HIVEP3: variants seen among roughly 807,000 people sequenced by gnomAD.
HIVEP3 encodes HIVEP zinc finger 3, also known as transcription factor HIVEP3.
Under a neutral mutation model 152.8 loss-of-function variants are expected in HIVEP3, and 49 were observed. The ratio of observed to expected loss-of-function variants is 0.32; its 90% CI spans 0.26 to 0.41. The LOEUF is 0.41. Among genes scored for constraint, HIVEP3 ranks in the 10% least tolerant of loss-of-function variants. HIVEP3 has a pLI of 1.00. For missense variants in HIVEP3, 2,790 were observed against 3,103.3 expected, an observed-to-expected ratio of 0.90 and a Z score of 2.40; for synonymous variants, 1,269 against 1,289.0, an observed-to-expected ratio of 0.98 and a Z score of 0.33.
At chr1:41,775,675 A>G (rs1042378737) in intron 1 of HIVEP3, among the ~76,000 whole-genome samples, 2 of 151,994 alleles carry the variant, frequency 1.3e-5, no homozygotes, top group East Asian at 3.9e-4. Flanking sequence ...TTTTTAGTAG[A>G]GATGGGGTTT....
chr1:41,960,148 A>G (rs1216178120), intron 1 of HIVEP3, among the ~76,000 whole-genome samples: 1 of 152,210 alleles, frequency 6.6e-6, no homozygotes, highest in East Asian at 1.9e-4. Context: ...AAAGTCCACC[A>G]CACTAGCCAC....
At chr1:41,546,423 G>A (rs992980513) in intron 5 of HIVEP3, among the ~76,000 whole-genome samples, 4 of 152,214 alleles carry the variant, frequency 2.6e-5, no homozygotes, top group Non-Finnish European at 5.9e-5. Context: ...GACAGAGAAG[G>A]GTTCCCGAGA....
intron 2 of HIVEP3, among the ~76,000 whole-genome samples, chr1:41,647,371 T>C (rs1260914713): frequency 6.6e-6 from 1 of 152,198 alleles, no homozygotes; most frequent in East Asian, 1.9e-4. Context: ...ACACTCACCC[T>C]CCTGGCTGCC....
In HIVEP3 at chr1:41,580,804, T is replaced by C. The variant is rs776606486; in HGVS notation, c.3994A>G (p.Ser1332Gly). Residue 1332 changes from serine to glycine, a missense_variant, in exon 4 of 9, where the codon AGC (serine) becomes GGC (glycine). By Grantham distance (56) the Ser-to-Gly change is moderately conservative. Coordinates refer to ENST00000372583, the MANE Select transcript of HIVEP3 (RefSeq NM_024503.5). ...RVQTNMPSYGSAMYTTLSQIL... is the reference protein window; with the variant it reads ...RVQTNMPSYGGAMYTTLSQIL... The stretch of plus-strand genomic sequence containing the variant: ...TGGGAAAGGGTGGTGTACATTGCGC[T>C]CCCATAGGACGGCATATTGGTCTGA... 1 of 1,577,160 alleles carries C rather than the reference T, an allele frequency of 6.3e-7. No homozygotes were observed. Among genetic ancestry groups the C allele is most frequent in the Non-Finnish European group, 8.6e-7 (1 of 1,161,548 alleles).
At position 41,837,065 on chromosome 1, in the gene HIVEP3, C is replaced by T. The variant is rs544281000; in HGVS notation, c.-801+81348G>A. ...GCCTTGCCCTTCTCTTCAGCTTCAT[C>T]TCCCTCCACCCTTTCAATAATTCCC... is the stretch of plus-strand genomic sequence containing the variant. On this transcript the variant is annotated intron_variant, in intron 1 of 8. Transcript: ENST00000372583. 2.6e-5 allele frequency among the ~76,000 whole-genome samples: 4 copies of T among 152,354 alleles called. No individual in the cohort carries two copies. The South Asian group carries it at 8.3e-4, about 32-fold the overall frequency.
intron 2 of HIVEP3, among the ~76,000 whole-genome samples, chr1:41,634,062 T>C (rs1341564646): frequency 6.6e-6 from 1 of 151,098 alleles, no homozygotes; most frequent in African/African-American, 2.4e-5. Flanking sequence ...CTCAGCCAAG[T>C]CTCAAAGCCA....
intron 1 of HIVEP3, among the ~76,000 whole-genome samples, chr1:41,745,234 G>C (rs548542310): frequency 4.6e-5 from 7 of 152,288 alleles, no homozygotes; most frequent in Admixed American, 1.3e-4. Context: ...CCACTGGGCA[G>C]GTGGAGCACA....
At chr1:41,568,604 G>A (rs1480694965) in intron 5 of HIVEP3, among the ~76,000 whole-genome samples, 1 of 152,234 alleles carries the variant, frequency 6.6e-6, no homozygotes, top group Non-Finnish European at 1.5e-5. Context: ...TGATCACCCA[G>A]GTGTGAGCTA....
intron 1 of HIVEP3, among the ~76,000 whole-genome samples, chr1:41,733,729 C>T (rs1486138494): frequency 6.6e-6 from 1 of 152,214 alleles, no homozygotes; most frequent in Non-Finnish European, 1.5e-5. Context: ...AACCAAGGGA[C>T]TGGAAAGAGG....
At chr1:41,984,291 C>A (rs1468164470) in intron 1 of HIVEP3, among the ~76,000 whole-genome samples, 1 of 151,732 alleles carries the variant, frequency 6.6e-6, no homozygotes, top group African/African-American at 2.4e-5. Context: ...TATTTTTTGG[C>A]CAAATAATAA....
At chr1:41,820,123 C>T (rs1642546906) in intron 1 of HIVEP3, among the ~76,000 whole-genome samples, 1 of 152,118 alleles carries the variant, frequency 6.6e-6, no homozygotes, top group Admixed American at 6.5e-5. Flanking sequence ...TAAAATATTC[C>T]ATATCCCCCA....
At chr1:41,851,308 TTTTTTTTTTTTTTG>T (rs1643593395) in intron 1 of HIVEP3, among the ~76,000 whole-genome samples, 1 of 132,710 alleles carries the variant, frequency 7.5e-6, no homozygotes, top group African/African-American at 2.8e-5. Context: ...TTTTTTTTTT[TTTTTTTTTTTTTTG>T]AGACAGAGTC....
At chr1:41,967,601 T>A (rs765323956) in intron 1 of HIVEP3, among the ~76,000 whole-genome samples, 7 of 152,094 alleles carry the variant, frequency 4.6e-5, no homozygotes, top group Non-Finnish European at 1.0e-4. Context: ...GCTAGAAAGA[T>A]CTCAAATCAA....
intron 2 of HIVEP3, among the ~76,000 whole-genome samples, chr1:41,658,750 T>G (rs929576447): frequency 6.6e-6 from 1 of 152,130 alleles, no homozygotes; most frequent in Non-Finnish European, 1.5e-5. Flanking sequence ...GTGAACAGGA[T>G]AATAAGGGAG....
chr1:41,751,639 G>A lies in HIVEP3; in HGVS notation c.-800-50644C>T, dbSNP rs114392644. On this transcript the variant is annotated intron_variant, in intron 1 of 8. Transcript: ENST00000372583. ...CCCCTGTCCTTCTCTTGGAGCTTAAGACTCACCCAGCCAAAGTGTGACCAG... is the reference window on the plus strand; with the variant it reads ...CCCCTGTCCTTCTCTTGGAGCTTAAAACTCACCCAGCCAAAGTGTGACCAG... 7.4e-3 allele frequency among the ~76,000 whole-genome samples: 1,119 copies of A among 152,190 alleles called. 8 individuals carry two copies. Among genetic ancestry groups the A allele is most frequent in the African/African-American group, 0.024 (981 of 41,496 alleles).
chr1:41,641,178 C>G (rs1165764647), intron 2 of HIVEP3, among the ~76,000 whole-genome samples: 23 of 152,252 alleles, frequency 1.5e-4, no homozygotes, highest in Admixed American at 1.5e-3. Context: ...TTATTCACAG[C>G]AAAGCAGGTG....
intron 1 of HIVEP3, among the ~76,000 whole-genome samples, chr1:41,851,289 CTTTTTTTTTTTTTTTTT>C (rs34180186): frequency 7.4e-4 from 44 of 59,810 alleles, no homozygotes; most frequent in Admixed American, 1.0e-3. Context: ...TCTTCTTCTT[CTTTTTTTTTTTTTTTTT>C]TTTTTTTTTT....
intron 1 of HIVEP3, among the ~76,000 whole-genome samples, chr1:41,771,062 T>C (rs1648323622): frequency 6.6e-6 from 1 of 152,082 alleles, no homozygotes; most frequent in South Asian, 2.1e-4. Context: ...ATATCCAGCA[T>C]ATCTGTGGGA....
intron 2 of HIVEP3, among the ~76,000 whole-genome samples, chr1:41,658,376 GCAACT>G (rs1645659928): frequency 1.3e-5 from 2 of 152,092 alleles, no homozygotes; most frequent in Admixed American, 6.5e-5. Flanking sequence ...TTGACCACAG[GCAACT>G]CAACTCAACC....
Sources: gnomAD v4.1 joint callset for allele counts (sites outside exome capture counted in the v4.1 genomes callset) on GRCh38, gnomAD v4.1.1 for gene constraint, MANE v1.5 for transcripts, NCBI Gene and HGNC (gene_info 2026-07-23, HGNC 2026-07-21) for gene names.